The following SAMD8 variants were observed in gnomAD, a reference collection of about 807,000 sequenced individuals.
The protein encoded by SAMD8 is sterile alpha motif domain containing 8.
SAMD8 carries 20 observed loss-of-function variants against 42.0 expected under a neutral mutation model. The ratio of observed to expected loss-of-function variants is 0.48; its 90% CI spans 0.34 to 0.69. The LOEUF (loss-of-function observed/expected upper bound fraction) is 0.69, where lower values mean the gene tolerates loss of function less well. Ranked by LOEUF, SAMD8 falls within the 30% of genes least tolerant of loss-of-function variation. The pLI, the probability that SAMD8 is intolerant of heterozygous loss-of-function variation, is 0.01. For missense variants in SAMD8, 328 were observed against 511.6 expected (o/e 0.64, Z 3.46); for synonymous variants, 162 against 173.0 (o/e 0.94, Z 0.50).
chr10:75,168,348 A>G (rs1210514215), intron 3 of SAMD8, 193 bp from the exon 4 acceptor site: 2 of 773,906 alleles, frequency 2.6e-6, no homozygotes, highest in Non-Finnish European at 3.1e-6. Flanking sequence ...CTTGGACAGT[A>G]TATGGAACAT....
intron 2 of SAMD8, among the ~76,000 whole-genome samples, chr10:75,157,491 G>A (rs1269764775): frequency 6.6e-6 from 1 of 152,176 alleles, no homozygotes; most frequent in Non-Finnish European, 1.5e-5. Context: ...AGGAAAATAG[G>A]TGGAGGTTGC....
In SAMD8 at chr10:75,130,281, C is replaced by A. The variant is rs576739272; in HGVS notation, c.-16+18559C>A. ...CTTTGGTAGGCCGAGGCAGGCAGAT[C>A]ACCTGAGGTCAGGAGTTCGAGACCA... On this transcript the variant is annotated intron_variant, in intron 1 of 5. Coordinates refer to ENST00000542569, the MANE Select transcript of SAMD8 (RefSeq NM_001174156.2). Among the ~76,000 whole-genome samples the A allele has an allele frequency of 2.0e-5, 3 of 152,128 alleles. No individual in the cohort carries two copies. In the South Asian group the frequency reaches 6.2e-4, roughly 32 times the overall value.
intron 2 of SAMD8, among the ~76,000 whole-genome samples, chr10:75,155,576 G>A (rs891171361): frequency 1.3e-5 from 2 of 152,188 alleles, no homozygotes; most frequent in Non-Finnish European, 2.9e-5. Flanking sequence ...TTGGTCATCA[G>A]TGACTATGAC....
upstream of SAMD8, chr10:75,108,339 A>C: frequency 1.5e-5 from 21 of 1,437,572 alleles, no homozygotes; most frequent in Non-Finnish European, 1.6e-5. Flanking sequence ...AGCAAGCTCC[A>C]AGTGGGGTCT....
intron 1 of SAMD8, among the ~76,000 whole-genome samples, chr10:75,106,397 C>T (rs1848511979): frequency 6.6e-6 from 1 of 152,126 alleles, no homozygotes; most frequent in Admixed American, 6.5e-5. Context: ...ATTCCAAATA[C>T]CTGCAAATTG....
chr10:75,162,939 T>C (rs1038069332), intron 2 of SAMD8, among the ~76,000 whole-genome samples: 3 of 152,158 alleles, frequency 2.0e-5, no homozygotes, highest in African/African-American at 7.2e-5. Flanking sequence ...TTTTCTTTTT[T>C]TTTGAAACAG....
intron 2 of SAMD8, among the ~76,000 whole-genome samples, chr10:75,163,398 T>TCCTCCCTTCCTC (rs1196606190): frequency 6.6e-6 from 1 of 152,082 alleles, no homozygotes; most frequent in Non-Finnish European, 1.5e-5. Flanking sequence ...CTTCCTTTCT[T>TCCTCCCTTCCTC]CCTCCCTTCC....
intron 1 of SAMD8, among the ~76,000 whole-genome samples, chr10:75,130,929 A>G (rs1264096857): frequency 6.6e-6 from 1 of 152,230 alleles, no homozygotes; most frequent in African/African-American, 2.4e-5. Flanking sequence ...GTGCCTGAGC[A>G]TTCAACAAAT....
intron 1 of SAMD8, 55 bp downstream of exon 1, chr10:75,111,777 G>A (rs1459606642): frequency 6.5e-6 from 8 of 1,232,320 alleles, no homozygotes; most frequent in Non-Finnish European, 7.1e-6. Context: ...CTGCTGCCAA[G>A]GGTGAGTGGG....
At chr10:75,121,367 T>G (rs182539029) in intron 1 of SAMD8, among the ~76,000 whole-genome samples, 7 of 152,322 alleles carry the variant, frequency 4.6e-5, no homozygotes, top group Admixed American at 3.3e-4. Flanking sequence ...ATCTGAAGCT[T>G]AACTCTCTAG....
chr10:75,124,575 T>C (rs922900224), intron 1 of SAMD8, among the ~76,000 whole-genome samples: 1 of 146,872 alleles, frequency 6.8e-6, no homozygotes, highest in Non-Finnish European at 1.5e-5. Flanking sequence ...ATGGTACCAT[T>C]GCACTCCAGC....
At chr10:75,110,144 T>C (rs531411198), upstream of SAMD8, among the ~76,000 whole-genome samples, 9 of 152,272 alleles carry the variant, frequency 5.9e-5, no homozygotes, top group East Asian at 1.5e-3. Context: ...ACAATGGTCC[T>C]GTAGTGAAGA....
At chr10:75,114,275 G>A (rs898884427) in intron 1 of SAMD8, among the ~76,000 whole-genome samples, 3 of 150,254 alleles carry the variant, frequency 2.0e-5, no homozygotes. Flanking sequence ...GGAAGCAGAG[G>A]TTGTGAGCTG....
Position 75,176,670 on chromosome 10 carries a change from T to C in SAMD8, c.1226T>C (p.Ile409Thr). Reference protein sequence around the residue: ...EYCWPFSKPAIMKRLIG With the variant: ...EYCWPFSKPATMKRLIG ...TGTTGGCCATTTTCAAAACCAGCAA[T>C]AATGAAAAGACTAATTGGATGAATA... The change falls in exon 6 of 6, where the codon ATA (isoleucine) becomes ACA (threonine). Residue 409 changes from isoleucine (I) to threonine (T), a missense_variant. Ile to Thr is a moderately conservative substitution (Grantham distance 89, BLOSUM62 -1). Transcript: ENST00000542569. This position sits in a 1 kb window ranked among gnomAD's most constrained non-coding sequence, Gnocchi z 4.3. 6.5e-7 allele frequency: 1 copy of C among 1,537,790 alleles called. No individual in the cohort carries two copies. Among genetic ancestry groups the C allele is most frequent in the Non-Finnish European group, 8.8e-7 (1 of 1,141,204 alleles).
chr10:75,172,362 C>T (rs553227737), intron 4 of SAMD8, among the ~76,000 whole-genome samples: 5 of 152,104 alleles, frequency 3.3e-5, no homozygotes, highest in Non-Finnish European at 4.4e-5. Flanking sequence ...GACAGATTCT[C>T]GCTTTGTCAC....
At chr10:75,135,540 C>G (rs2134452394) in intron 1 of SAMD8, among the ~76,000 whole-genome samples, 1 of 149,302 alleles carries the variant, frequency 6.7e-6, no homozygotes, top group East Asian at 2.1e-4. Context: ...TAAAAATGAT[C>G]TGTGGCTGGC....
chr10:75,124,601 A>G (rs1247331261), intron 1 of SAMD8, among the ~76,000 whole-genome samples: 2 of 146,082 alleles, frequency 1.4e-5, no homozygotes, highest in African/African-American at 2.5e-5. Context: ...TGACAGAACG[A>G]GACTCCATCT....
chr10:75,100,184 C>T (rs1048594597), intron 1 of SAMD8, among the ~76,000 whole-genome samples: 1 of 152,162 alleles, frequency 6.6e-6, no homozygotes, highest in African/African-American at 2.4e-5. Context: ...GGCTCCACCC[C>T]CAGGAGGCTC....
At chr10:75,144,081 C>A (rs886411460) in intron 1 of SAMD8, among the ~76,000 whole-genome samples, 1 of 151,646 alleles carries the variant, frequency 6.6e-6, no homozygotes, top group African/African-American at 2.4e-5. Context: ...GATTCTCCTG[C>A]CTCAGCCTCC....
Sources: allele counts gnomAD v4.1 joint callset (sites outside exome capture counted in the v4.1 genomes callset), GRCh38; gene constraint gnomAD v4.1.1; non-coding constraint Gnocchi (gnomAD v3.1); transcripts MANE v1.5; gene names NCBI Gene and HGNC (gene_info 2026-07-23, HGNC 2026-07-21).